The following ACACA variants were observed in gnomAD, a reference collection of about 807,000 sequenced individuals.
ACACA encodes acetyl-CoA carboxylase alpha.
A neutral mutation model predicts 296.1 loss-of-function variants in ACACA; 103 were observed. That is an observed-to-expected ratio of 0.35 (90% CI 0.30 to 0.41). The LOEUF is 0.41. Among genes scored for constraint, ACACA ranks in the 10% least tolerant of loss-of-function variants. The pLI is 1.00. For missense variants in ACACA, 1,554 were observed against 2,989.7 expected (o/e 0.52, Z 11.20); for synonymous variants, 953 against 1,038.6 (o/e 0.92, Z 1.58).
intron 47 of ACACA, among the ~76,000 whole-genome samples, chr17:37,128,024 C>A (rs756661976): frequency 0.41 from 16,027 of 39,548 alleles, 1,479 homozygotes; most frequent in East Asian, 0.58. Flanking sequence ...AACTCCATCT[C>A]AAAAAAAAAA....
At chr17:37,350,450 G>A (rs1368240426) in intron 1 of ACACA, among the ~76,000 whole-genome samples, 1 of 152,058 alleles carries the variant, frequency 6.6e-6, no homozygotes, top group Non-Finnish European at 1.5e-5. Context: ...AGCCCAGGAG[G>A]TTGAGGCTGC....
chr17:37,123,367 C>A (rs1445935347), intron 48 of ACACA, among the ~76,000 whole-genome samples: 1 of 152,154 alleles, frequency 6.6e-6, no homozygotes, highest in Non-Finnish European at 1.5e-5. Flanking sequence ...TGTTTAGGAG[C>A]TCAAAGCCTC....
chr17:37,269,415 T>C (rs1302479096), intron 10 of ACACA, among the ~76,000 whole-genome samples: 3 of 152,176 alleles, frequency 2.0e-5, no homozygotes, highest in Admixed American at 1.3e-4. Flanking sequence ...ATGAACACCA[T>C]AGATTAGTCT....
intron 33 of ACACA, among the ~76,000 whole-genome samples, chr17:37,202,816 C>T (rs1403783523): frequency 6.6e-6 from 1 of 150,680 alleles, no homozygotes; most frequent in Non-Finnish European, 1.5e-5. Flanking sequence ...AGAGTGTCAG[C>T]ACAGTCTACC....
chr17:37,113,860 A>G lies in ACACA; in HGVS notation c.6275-595T>C, dbSNP rs1378196783. 6.6e-6 allele frequency among the ~76,000 whole-genome samples: 1 copy of G among 152,248 alleles called. No individual in the cohort carries two copies. The highest frequency in any genetic ancestry group is 6.5e-5 in the Admixed American group (1 of 15,288). On this transcript the variant is annotated intron_variant, in intron 50 of 55. Transcript: ENST00000616317. The surrounding 1 kb of genome is among the most constrained non-coding windows in gnomAD (Gnocchi z 4.0). ...AATGAATGCTGAATAAATTAGTTAT[A>G]TACTCTGGAAAGAATATAATGAGAA...
At chr17:37,173,368 G>C (rs1271531994) in intron 41 of ACACA, among the ~76,000 whole-genome samples, 1 of 152,148 alleles carries the variant, frequency 6.6e-6, no homozygotes, top group East Asian at 1.9e-4. Context: ...GGGTTAAGAG[G>C]TCCAGCCTAA....
rs777277027 is a variant in ACACA, at chr17:37,277,163, C to T, written c.721-49G>A. The T allele has an allele frequency of 4.6e-6, 7 of 1,518,626 alleles. No individual in the cohort carries two copies. In the South Asian group the frequency reaches 7.9e-5, roughly 17 times the overall value. The allele number at this position is 1,518,626 out of a possible 1,614,324, so 94.1% of individuals were successfully genotyped here. A position where few individuals can be genotyped will look rare whatever the true frequency, so the allele number is the denominator to read the frequency against. ...CATTCTTAAAATTCATACAAAACCC[C>T]CACAAACTGCAAGAGTCTCTATCCA... On this transcript the variant is annotated intron_variant, in intron 6 of 55. Transcript: ENST00000616317.
chr17:37,245,315 C>A, intron 19 of ACACA, 101 bp from the exon 20 acceptor site: 1 of 1,177,660 alleles, frequency 8.5e-7, no homozygotes, highest in Admixed American at 1.9e-5. Context: ...TTGGACCACA[C>A]CTAATTTGAC....
chr17:37,209,539 T>A (rs775485289), intron 30 of ACACA, among the ~76,000 whole-genome samples: 19 of 152,174 alleles, frequency 1.2e-4, no homozygotes, highest in Non-Finnish European at 2.4e-4. Flanking sequence ...CAGGCAGGAA[T>A]GAGCCAAGCC....
At chr17:37,390,211 ATATT>A (rs1266541670) in intron 1 of ACACA, among the ~76,000 whole-genome samples, 3 of 77,578 alleles carry the variant, frequency 3.9e-5, no homozygotes, top group Non-Finnish European at 6.5e-5. Context: ...ATATAATTAT[ATATT>A]TATTATATAT....
chr17:37,353,249 TAAA>T (rs2048984983), intron 1 of ACACA, among the ~76,000 whole-genome samples: 1 of 152,106 alleles, frequency 6.6e-6, no homozygotes, highest in East Asian at 1.9e-4. Flanking sequence ...CTAATAAACT[TAAA>T]AACTAATCAA....
chr17:37,137,368 T>G lies in ACACA; in HGVS notation c.5680-7150A>C, dbSNP rs145488132. Among the ~76,000 whole-genome samples, 918 of 152,282 alleles carry G rather than the reference T, an allele frequency of 6.0e-3. 3 individuals are homozygous for G. The highest frequency in any genetic ancestry group is 9.9e-3 in the Non-Finnish European group (675 of 68,014). On this transcript the variant is annotated intron_variant, in intron 45 of 55. Coordinates refer to ENST00000616317, the MANE Select transcript of ACACA (RefSeq NM_198834.3). ...CTGACTTACTATCTCTGTGGCCTTT[T>G]GGTTTGTGTTTTCTCATTGACGTCT...
At chr17:37,204,346 C>T (rs972597837) in intron 33 of ACACA, among the ~76,000 whole-genome samples, 2 of 152,110 alleles carry the variant, frequency 1.3e-5, no homozygotes, top group African/African-American at 4.8e-5. Context: ...TAGATCTGTG[C>T]CCCCTATACC....
intron 4 of ACACA, 86 bp downstream of exon 4, chr17:37,284,752 A>T (rs1331948870): frequency 6.3e-7 from 1 of 1,582,390 alleles, no homozygotes; most frequent in African/African-American, 1.3e-5. Flanking sequence ...CTAAATATCA[A>T]TTGGGAGCAA....
intron 11 of ACACA, among the ~76,000 whole-genome samples, chr17:37,260,308 TTTTTTTTTG>T (rs1567900298): frequency 2.8e-5 from 3 of 107,612 alleles, no homozygotes; most frequent in African/African-American, 4.2e-5. Flanking sequence ...TTTTTTTTTT[TTTTTTTTTG>T]GAGATGGAGT....
intron 51 of ACACA, 64 bp from the exon 52 acceptor site, chr17:37,111,707 G>A (rs1356744327): frequency 8.2e-7 from 1 of 1,221,770 alleles, no homozygotes; most frequent in Non-Finnish European, 1.2e-6. Flanking sequence ...GGAGACAACA[G>A]AATGAGGCCA....
At chr17:37,204,207 A>G (rs2078397021) in intron 33 of ACACA, among the ~76,000 whole-genome samples, 1 of 152,232 alleles carries the variant, frequency 6.6e-6, no homozygotes, top group Non-Finnish European at 1.5e-5. Context: ...TTAAGAGGAC[A>G]CTTTGCTATC....
chr17:37,210,415 C>G (rs2078693988), intron 30 of ACACA, 52 bp downstream of exon 30: 2 of 1,538,550 alleles, frequency 1.3e-6, no homozygotes, highest in Admixed American at 1.7e-5. Context: ...TTTCACTATT[C>G]TAAGTTACAT....
At chr17:37,199,310 T>C (rs2078143650) in intron 35 of ACACA, among the ~76,000 whole-genome samples, 2 of 151,910 alleles carry the variant, frequency 1.3e-5, no homozygotes, top group Admixed American at 6.6e-5. Flanking sequence ...TTAGCTACAT[T>C]AGAATCAATT....
Sources: allele counts gnomAD v4.1 joint callset (sites outside exome capture counted in the v4.1 genomes callset), GRCh38; gene constraint gnomAD v4.1.1; non-coding constraint Gnocchi (gnomAD v3.1); transcripts MANE v1.5; gene names NCBI Gene and HGNC (gene_info 2026-07-23, HGNC 2026-07-21).